The following DNAJB11 variants were observed in gnomAD, a reference collection of about 807,000 sequenced individuals.
DNAJB11 encodes DnaJ heat shock protein family (Hsp40) member B11.
A neutral mutation model predicts 47.2 loss-of-function variants in DNAJB11; 30 were observed. That is an observed-to-expected ratio of 0.64 (90% CI 0.48 to 0.86). DNAJB11 has a LOEUF of 0.86. Ranked by LOEUF, DNAJB11 falls within the 40% of genes least tolerant of loss-of-function variation. DNAJB11 has a pLI of 0.00. For missense variants in DNAJB11, 357 were observed against 440.2 expected (o/e 0.81, Z 1.69); for synonymous variants, 151 against 159.9 (o/e 0.94, Z 0.42).
chr3:186,575,610 A>G (rs1483671029), intron 2 of DNAJB11, among the ~76,000 whole-genome samples: 2 of 152,224 alleles, frequency 1.3e-5, no homozygotes, highest in Non-Finnish European at 2.9e-5. Context: ...AGTTTTGAGA[A>G]CTTTAAATTA....
Position 186,582,779 on chromosome 3 carries a change from T to TA in DNAJB11, c.740+8dup. 1 of 1,570,192 alleles carries TA rather than the reference T, an allele frequency of 6.4e-7. No individual in the cohort carries two copies. Among genetic ancestry groups the TA allele is most frequent in the Non-Finnish European group, 8.7e-7 (1 of 1,154,916 alleles). On this transcript the variant is annotated splice_region_variant and intron_variant, in intron 7 of 9. Transcript: ENST00000265028. Reference sequence around the variant, plus strand: ...TTCCGAATCAAAGTTGTCAAGTAAGTAATCTAATTTTAGAGGTCTTCTCAG... The same window carrying TA: ...TTCCGAATCAAAGTTGTCAAGTAAGTAAATCTAATTTTAGAGGTCTTCTCAG...
In DNAJB11 at chr3:186,577,685, G is replaced by T. The variant is rs1440689736; in HGVS notation, c.341G>T (p.Gly114Val). Residue 114 changes from glycine to valine, a missense_variant, in exon 4 of 10, where the codon GGT becomes GTT. Physicochemically the swap from Gly to Val is moderately radical, Grantham distance 109. Coordinates refer to ENST00000265028, the MANE Select transcript of DNAJB11 (RefSeq NM_016306.6). ...DIFSHFFGDF[G>V]FMFGGTPRQQ... ...ATCTTTAGCTTCTTTGGGGATTTTG[G>T]TTTCATGTTTGGAGGAACCCCTCGT... 3 of 1,592,644 alleles carry T rather than the reference G, an allele frequency of 1.9e-6. No homozygotes were observed. The highest frequency in any genetic ancestry group is 2.6e-6 in the Non-Finnish European group (3 of 1,171,336).
chr3:186,577,375 T>C (rs1471681815), intron 3 of DNAJB11, among the ~76,000 whole-genome samples: 2 of 152,232 alleles, frequency 1.3e-5, no homozygotes, highest in Non-Finnish European at 2.9e-5. Context: ...GGGTCCAACA[T>C]TGAATTCATT....
chr3:186,574,060 A>G (rs1005476271), intron 2 of DNAJB11, among the ~76,000 whole-genome samples: 1 of 152,234 alleles, frequency 6.6e-6, no homozygotes, highest in African/African-American at 2.4e-5. Context: ...TAGTGTTCAC[A>G]AATTAGAATC....
intron 5 of DNAJB11, 26 bp from the exon 6 acceptor site, chr3:186,581,969 T>C: frequency 3.2e-6 from 5 of 1,561,874 alleles, no homozygotes; most frequent in Non-Finnish European, 4.4e-6. Flanking sequence ...ATTATTTTTC[T>C]CCTCTTTTAA....
intron 1 of DNAJB11, 57 bp from the exon 2 acceptor site, chr3:186,572,038 T>A: frequency 2.1e-6 from 3 of 1,432,840 alleles, no homozygotes; most frequent in Non-Finnish European, 2.8e-6. Flanking sequence ...AATCTTTTAC[T>A]TTGAAAAATG....
intron 1 of DNAJB11, among the ~76,000 whole-genome samples, chr3:186,571,604 C>CT (rs1222032516): frequency 6.6e-6 from 1 of 152,194 alleles, no homozygotes; most frequent in Non-Finnish European, 1.5e-5. Context: ...GTTGCTTCAT[C>CT]TTTAACATTC....
At chr3:186,583,462 T>C (rs975242839) in intron 7 of DNAJB11, among the ~76,000 whole-genome samples, 1 of 152,200 alleles carries the variant, frequency 6.6e-6, no homozygotes, top group African/African-American at 2.4e-5. Flanking sequence ...CCTGACACCT[T>C]CCTTGTCTTT....
intron 2 of DNAJB11, among the ~76,000 whole-genome samples, chr3:186,573,572 AG>A: frequency 6.6e-6 from 1 of 152,056 alleles, no homozygotes; most frequent in South Asian, 2.1e-4. Context: ...TTTTTAGTAG[AG>A]ACAGGGTTTC....
At position 186,570,863 on chromosome 3, in the gene DNAJB11, G is replaced by A; in HGVS notation, c.-35G>A. ...GACGCGGCGGCGGAGGAGGCTGTGAGGAGTGTGTGGAACAGGACCCGGGAC... is the reference window on the plus strand; with the variant it reads ...GACGCGGCGGCGGAGGAGGCTGTGAAGAGTGTGTGGAACAGGACCCGGGAC... On this transcript the variant is annotated 5_prime_UTR_variant, in exon 1 of 10. Coordinates refer to ENST00000265028, the MANE Select transcript of DNAJB11 (RefSeq NM_016306.6). 2.5e-6 allele frequency: 4 copies of A among 1,587,098 alleles called. No individual in the cohort carries two copies. Among genetic ancestry groups the A allele is most frequent in the Non-Finnish European group, 2.6e-6 (3 of 1,166,022 alleles).
chr3:186,575,991 C>A, intron 3 of DNAJB11, 54 bp downstream of exon 3: 3 of 1,289,232 alleles, frequency 2.3e-6, no homozygotes, highest in African/African-American at 1.5e-5. Flanking sequence ...GGTCACTTAG[C>A]GATTAAAGAA....
At chr3:186,575,701 T>TA in intron 2 of DNAJB11, 139 bp from the exon 3 acceptor site, 1 of 603,430 alleles carries the variant, frequency 1.7e-6, no homozygotes. Flanking sequence ...AAATATGCCT[T>TA]AATACAGTAC....
At chr3:186,581,845 G>A (rs1456479442) in intron 5 of DNAJB11, 150 bp from the exon 6 acceptor site, 2 of 668,262 alleles carry the variant, frequency 3.0e-6, no homozygotes, top group Admixed American at 3.0e-5. Context: ...TATAGAAGAT[G>A]TAAATGATTA....
chr3:186,581,324 G>T (rs911367872), intron 4 of DNAJB11, 47 bp from the exon 5 acceptor site: 1 of 1,604,124 alleles, frequency 6.2e-7, no homozygotes. Flanking sequence ...GAAAGGAAAG[G>T]CTGTTTTACA....
At chr3:186,584,067 C>A in intron 8 of DNAJB11, 91 bp downstream of exon 8, 1 of 895,292 alleles carries the variant, frequency 1.1e-6, no homozygotes, top group Admixed American at 1.8e-5. Flanking sequence ...CATTGAGAAC[C>A]AGATGGACTC....
At chr3:186,575,195 A>G (rs1400139982) in intron 2 of DNAJB11, among the ~76,000 whole-genome samples, 2 of 140,312 alleles carry the variant, frequency 1.4e-5, no homozygotes, top group Admixed American at 6.9e-5. Context: ...TCAGGACATT[A>G]CAAACTTAAA....
rs191500837 is a variant in DNAJB11 at position 186,582,888 on chromosome 3, T to C, written c.740+115T>C. 5.1e-4 allele frequency: 401 copies of C among 787,242 alleles called. 7 individuals carry two copies. In the South Asian group the frequency reaches 5.9e-3, roughly 12 times the overall value. 48.8% of individuals were successfully genotyped at this position (787,242 alleles called of 1,614,324 possible). A position where few individuals can be genotyped will look rare whatever the true frequency, so the allele number is the denominator to read the frequency against. ...TTCTTACCCTTATTACCCTAAACGA[T>C]GATTTGTAACTCCTCTACAAGGCTG... On this transcript the variant is annotated intron_variant, in intron 7 of 9. Transcript: ENST00000265028.
At chr3:186,582,170 A>C in intron 6 of DNAJB11, 93 bp downstream of exon 6, 1 of 928,956 alleles carries the variant, frequency 1.1e-6, no homozygotes. Flanking sequence ...CTCCATCTTA[A>C]TGTTCACATA....
intron 3 of DNAJB11, among the ~76,000 whole-genome samples, chr3:186,576,593 G>T (rs1249473576): frequency 6.6e-6 from 1 of 152,094 alleles, no homozygotes; most frequent in African/African-American, 2.4e-5. Context: ...AGAGTTCATT[G>T]TTTTCTTCAG....
Sources: gnomAD v4.1 joint callset for allele counts (sites outside exome capture counted in the v4.1 genomes callset) on GRCh38, gnomAD v4.1.1 for gene constraint, MANE v1.5 for transcripts, NCBI Gene and HGNC (gene_info 2026-07-23, HGNC 2026-07-21) for gene names.